DTNA: variants seen among roughly 807,000 people sequenced by gnomAD.
DTNA encodes dystrobrevin alpha.
In DTNA, 43 loss-of-function variants were observed where a neutral mutation model predicts 100.7. The observed-to-expected ratio is 0.43, with a 90% CI of 0.33 to 0.55. The LOEUF (loss-of-function observed/expected upper bound fraction) is 0.55. Ranked by LOEUF, DTNA falls within the 20% of genes least tolerant of loss-of-function variation. The pLI is 0.04. For missense variants in DTNA, 798 were observed against 953.9 expected (o/e 0.84, Z 2.15); for synonymous variants, 349 against 347.9 (o/e 1.00, Z -0.04).
At position 34,815,736 on chromosome 18, in the gene DTNA, G is replaced by A. The variant is rs574371649; in HGVS notation, c.604-173G>A. 4.7e-4 allele frequency: 292 copies of A among 617,292 alleles called. 1 individual carries two copies. The African/African-American group carries it at 4.8e-3, about 10-fold the overall frequency. The allele number at this position is 617,292 out of a possible 1,614,324, so 38.2% of individuals were successfully genotyped here. On this transcript the variant is annotated intron_variant, in intron 6 of 22. Coordinates refer to ENST00000444659, the MANE Select transcript of DTNA (RefSeq NM_001386795.1). The stretch of plus-strand genomic sequence containing the variant: ...GTCTGCTTAGGTATAAAAAGCAAAC[G>A]ATGTTTTCAGTTCTAAACTAGTTTA...
rs933087416 is a variant in DTNA, at chr18:34,818,339, A to G, written c.876+9A>G. 4.3e-6 allele frequency: 7 copies of G among 1,613,204 alleles called. No homozygotes were observed. Among genetic ancestry groups the G allele is most frequent in the Non-Finnish European group, 5.9e-6 (7 of 1,179,592 alleles). ...AAGAGTACACGTCATGGGTAAGGCA[A>G]GGTCCAGGCAATACTTGGAGTTGGA... On this transcript the variant is annotated intron_variant, in intron 8 of 22. Transcript: ENST00000444659.
chr18:34,696,807 G>T (rs779301807), intron 1 of DTNA, among the ~76,000 whole-genome samples: 14 of 152,068 alleles, frequency 9.2e-5, no homozygotes, highest in Non-Finnish European at 1.8e-4. Context: ...TGATTTGTTT[G>T]GACTCTGCCC....
At chr18:34,789,680 A>G (rs9965912) in intron 3 of DTNA, among the ~76,000 whole-genome samples, 3,838 of 152,280 alleles carry the variant, frequency 0.025, 168 homozygotes, top group African/African-American at 0.087. Context: ...GTTTTACTTA[A>G]ATCATTTTTA....
At chr18:34,710,080 T>C (rs769774258), upstream of DTNA, among the ~76,000 whole-genome samples, 1 of 152,222 alleles carries the variant, frequency 6.6e-6, no homozygotes, top group Non-Finnish European at 1.5e-5. Context: ...TATACTTCTG[T>C]TATTTTTTTC....
intron 1 of DTNA, among the ~76,000 whole-genome samples, chr18:34,500,236 C>A (rs1224554254): frequency 6.6e-6 from 1 of 151,936 alleles, no homozygotes; most frequent in Non-Finnish European, 1.5e-5. Context: ...TACCAGTGAT[C>A]TGTAGGTTTT....
intron 1 of DTNA, among the ~76,000 whole-genome samples, chr18:34,676,809 T>C (rs1208341238): frequency 6.6e-6 from 1 of 152,200 alleles, no homozygotes; most frequent in Non-Finnish European, 1.5e-5. Flanking sequence ...GCACTCAGTA[T>C]GGGTGAGAGA....
At chr18:34,860,222 T>TG (rs2096604242) in intron 16 of DTNA, among the ~76,000 whole-genome samples, 3 of 72,222 alleles carry the variant, frequency 4.2e-5, no homozygotes, top group Non-Finnish European at 2.9e-5. Context: ...AATTTTTTGT[T>TG]TTTTTTTTTT....
In DTNA at chr18:34,579,639, G is replaced by A. The variant is rs182693422; in HGVS notation, c.-2+86125G>A. Among the ~76,000 whole-genome samples the A allele has an allele frequency of 2.8e-4, 43 of 152,278 alleles. 1 individual carries two copies. Among genetic ancestry groups the A allele is most frequent in the Admixed American group, 2.7e-3 (41 of 15,304 alleles). On this transcript the variant is annotated intron_variant, in intron 1 of 19. Transcript: ENST00000283365. Reference sequence around the variant, plus strand: ...AGTCAATATTTTAGTTGAAAACTCAGACATCATACCTAAGGTTGTTGCCTG... The same window carrying A: ...AGTCAATATTTTAGTTGAAAACTCAAACATCATACCTAAGGTTGTTGCCTG...
intron 1 of DTNA, among the ~76,000 whole-genome samples, chr18:34,595,754 G>A (rs879131366): frequency 2.6e-5 from 4 of 152,202 alleles, no homozygotes; most frequent in African/African-American, 7.2e-5. Context: ...GTAAGAGTAA[G>A]TTGAGATCTA....
rs182994137 is a variant in DTNA at position 34,847,106 on chromosome 18, T to C, written c.1347-1190T>C. On this transcript the variant is annotated intron_variant, in intron 13 of 22. Coordinates refer to ENST00000444659, the MANE Select transcript of DTNA (RefSeq NM_001386795.1). ...TAGTTTGTTAACAAGATTAGTGCTA[T>C]TGGTATGTTTCATAGAATTATTTTT... 3.3e-5 allele frequency among the ~76,000 whole-genome samples: 5 copies of C among 152,292 alleles called. No homozygotes were observed. In the East Asian group the frequency reaches 9.7e-4, roughly 29 times the overall value.
chr18:34,679,427 T>C lies in DTNA; in HGVS notation c.-1-76549T>C, dbSNP rs920001706. The C allele has an allele frequency of 2.0e-5, 3 of 152,324 alleles. No individual in the cohort carries two copies. The East Asian group carries it at 5.8e-4, about 29-fold the overall frequency. The allele number at this position is 152,324 out of a possible 1,614,324, so 9.4% of individuals were successfully genotyped here. A position where few individuals can be genotyped will look rare whatever the true frequency, so the allele number is the denominator to read the frequency against. On this transcript the variant is annotated intron_variant, in intron 1 of 19. Coordinates refer to the DTNA transcript ENST00000283365. ...TGTTTGTGTAATAAATACAGAAGTG[T>C]GAATTGCTTAGCTAAATAAAAGTCT...
intron 1 of DTNA, among the ~76,000 whole-genome samples, chr18:34,715,161 ACTAAC>A (rs2083765914): frequency 6.6e-6 from 1 of 152,032 alleles, no homozygotes; most frequent in Non-Finnish European, 1.5e-5. Flanking sequence ...TACATATGTA[ACTAAC>A]CTGCACAATG....
chr18:34,821,552 A>AT lies in DTNA; in HGVS notation c.1001+638dup, dbSNP rs2149458108. 6.6e-6 allele frequency: 3 copies of AT among 456,176 alleles called. No homozygotes were observed. The Admixed American group carries it at 7.0e-5, about 11-fold the overall frequency. 28.3% of individuals were successfully genotyped at this position (456,176 alleles called of 1,614,324 possible). On this transcript the variant is annotated intron_variant, in intron 9 of 22. Coordinates refer to ENST00000444659, the MANE Select transcript of DTNA (RefSeq NM_001386795.1). ...ATCCCTGCTACCTCCCAGAAGTTTC[A>AT]TGCCTTTGAACCTCTCTCAGGCCTG...
At chr18:34,579,099 T>C (rs1403053739) in intron 1 of DTNA, among the ~76,000 whole-genome samples, 4 of 152,158 alleles carry the variant, frequency 2.6e-5, no homozygotes, top group Non-Finnish European at 5.9e-5. Context: ...ATTGCACACA[T>C]GCATCTTTAT....
chr18:34,768,213 C>T (rs750209875), intron 3 of DTNA, among the ~76,000 whole-genome samples: 35 of 152,094 alleles, frequency 2.3e-4, no homozygotes, highest in Non-Finnish European at 4.9e-4. Context: ...CTCTGTCCTC[C>T]TTAGAGCTTT....
chr18:34,495,267 C>T (rs1335385129), intron 1 of DTNA, among the ~76,000 whole-genome samples: 2 of 152,174 alleles, frequency 1.3e-5, no homozygotes, highest in Admixed American at 1.3e-4. Flanking sequence ...ACTTTCAATA[C>T]TAAAATTATG....
Position 34,818,194 on chromosome 18 carries a change from A to C in DTNA, c.740A>C (p.His247Pro). 1.9e-6 allele frequency: 3 copies of C among 1,614,038 alleles called. No homozygotes were observed. Among genetic ancestry groups the C allele is most frequent in the Non-Finnish European group, 2.5e-6 (3 of 1,179,960 alleles). Reference protein sequence around the residue: ...VFHPVECSYCHSESMMGFRYR... With the variant: ...VFHPVECSYCPSESMMGFRYR... ...CATCCGGTTGAGTGTTCCTACTGCC[A>C]CAGTGAGAGTATGATGGGATTTCGC... The change falls in exon 8 of 23, where the codon CAC becomes CCC. Residue 247 changes from histidine (H) to proline (P), a missense_variant. Coordinates refer to ENST00000444659, the MANE Select transcript of DTNA (RefSeq NM_001386795.1).
intron 1 of DTNA, among the ~76,000 whole-genome samples, chr18:34,550,321 C>T (rs1181258643): frequency 6.6e-6 from 1 of 152,022 alleles, no homozygotes; most frequent in African/African-American, 2.4e-5. Flanking sequence ...CTCCTGAGTC[C>T]ACTAGAAGGT....
intron 18 of DTNA, 103 bp downstream of exon 18, chr18:34,875,501 T>A (rs1364678639): frequency 3.9e-6 from 6 of 1,539,608 alleles, no homozygotes; most frequent in South Asian, 1.1e-5. Flanking sequence ...GTGACTATTG[T>A]AGGGTCTTTC....
Sources: gnomAD v4.1 joint callset for allele counts (sites outside exome capture counted in the v4.1 genomes callset) on GRCh38, gnomAD v4.1.1 for gene constraint, MANE v1.5 for transcripts, NCBI Gene and HGNC (gene_info 2026-07-23, HGNC 2026-07-21) for gene names.